Variants in PTPRG observed in about 807,000 individuals in gnomAD.
PTPRG encodes the protein protein tyrosine phosphatase receptor type G.
PTPRG carries 102 observed loss-of-function variants against 165.3 expected under a neutral mutation model. That is an observed-to-expected ratio of 0.62 (90% CI 0.53 to 0.73). PTPRG has a LOEUF of 0.73. PTPRG is among the 30% of genes least tolerant of loss of function. The pLI is 0.00. For synonymous variants in PTPRG, 675 were observed against 669.5 expected (o/e 1.01, Z -0.13); for missense variants, 1,866 against 1,861.4 (o/e 1.00, Z -0.05).
rs1703045179 is a variant in PTPRG at position 62,295,899 on chromosome 3, C to CT, written c.*2595dup. The CT allele has an allele frequency of 6.6e-6, 1 of 152,064 alleles. No individual in the cohort carries two copies. The highest frequency in any genetic ancestry group is 1.5e-5 in the Non-Finnish European group (1 of 67,986). The allele number at this position is 152,064 out of a possible 1,614,324, so 9.4% of individuals were successfully genotyped here. A position where few individuals can be genotyped will look rare whatever the true frequency, so the allele number is the denominator to read the frequency against. ...GGCAGAGTTTCAAAGACAGGGTTTT[C>CT]TTTGAGACATAAGCACATTGCTTAA... On this transcript the variant is annotated 3_prime_UTR_variant, in exon 30 of 30. Transcript: ENST00000474889.
chr3:62,184,869 C>T (rs907969503), intron 8 of PTPRG, among the ~76,000 whole-genome samples: 1 of 152,120 alleles, frequency 6.6e-6, no homozygotes, highest in Non-Finnish European at 1.5e-5. Context: ...TGGCCAGTTG[C>T]GTCGGGTGTG....
intron 5 of PTPRG, among the ~76,000 whole-genome samples, chr3:62,103,744 A>T (rs1702373947): frequency 6.6e-6 from 1 of 152,242 alleles, no homozygotes; most frequent in African/African-American, 2.4e-5. Flanking sequence ...CTAGGCACAC[A>T]GGCTGGGGCA....
intron 1 of PTPRG, among the ~76,000 whole-genome samples, chr3:61,627,938 C>G (rs974082730): frequency 2.0e-5 from 3 of 152,200 alleles, no homozygotes; most frequent in Admixed American, 2.0e-4. Context: ...ATCTTTCTGC[C>G]CTTTGGTCAA....
chr3:61,781,942 G>C lies in PTPRG; in HGVS notation c.190+32960G>C, dbSNP rs1270389453. Among the ~76,000 whole-genome samples, 7 of 148,538 alleles carry C rather than the reference G, an allele frequency of 4.7e-5. No homozygotes were observed. The East Asian group carries it at 1.4e-3, about 29-fold the overall frequency. Reference sequence around the variant, plus strand: ...GATGGGATACTACTATGTTTCCCAGGGTGGTCTTGAACTCCTGGGCTCAAG... The same window carrying C: ...GATGGGATACTACTATGTTTCCCAGCGTGGTCTTGAACTCCTGGGCTCAAG... On this transcript the variant is annotated intron_variant, in intron 2 of 29. Coordinates refer to ENST00000474889, the MANE Select transcript of PTPRG (RefSeq NM_002841.4).
intron 15 of PTPRG, among the ~76,000 whole-genome samples, chr3:62,250,311 C>T (rs1160209685): frequency 6.6e-6 from 1 of 152,132 alleles, no homozygotes; most frequent in East Asian, 1.9e-4. Context: ...CTCTGGCTTC[C>T]TGATACACAG....
rs373444676 is a variant in PTPRG, at chr3:62,282,753, C to T, written c.3939C>T (p.His1313=). ...TQDDYVLEVR[H]FQCPKWPNPD... Reference sequence around the variant, plus strand: ...ATGACTATGTCTTAGAAGTTCGGCACTTTCAGTGTCCCAAATGGCCTAACC... The same window carrying T: ...ATGACTATGTCTTAGAAGTTCGGCATTTTCAGTGTCCCAAATGGCCTAACC... The change falls in exon 28 of 30, where the codon CAC becomes CAT. Residue 1313 remains histidine, a synonymous_variant. Coordinates refer to ENST00000474889, the MANE Select transcript of PTPRG (RefSeq NM_002841.4). 4 of 1,611,926 alleles carry T rather than the reference C, an allele frequency of 2.5e-6. No homozygotes were observed. Among genetic ancestry groups the T allele is most frequent in the Non-Finnish European group, 3.4e-6 (4 of 1,179,094 alleles).
rs561356758 is a variant in PTPRG at position 61,706,275 on chromosome 3, C to T, written c.86-42603C>T. Among the ~76,000 whole-genome samples the T allele has an allele frequency of 2.6e-5, 4 of 152,096 alleles. No individual in the cohort carries two copies. In the South Asian group the frequency reaches 8.3e-4, roughly 32 times the overall value. On this transcript the variant is annotated intron_variant, in intron 1 of 29. Coordinates refer to ENST00000474889, the MANE Select transcript of PTPRG (RefSeq NM_002841.4). Reference sequence around the variant, plus strand: ...GGAGCCGTCCCATTGAGTAAGTGCCCAATGTGAGCTGCATCTGCAACTTAA... The same window carrying T: ...GGAGCCGTCCCATTGAGTAAGTGCCTAATGTGAGCTGCATCTGCAACTTAA...
At chr3:61,767,428 A>G (rs909807795) in intron 2 of PTPRG, among the ~76,000 whole-genome samples, 1 of 152,266 alleles carries the variant, frequency 6.6e-6, no homozygotes, top group African/African-American at 2.4e-5. Flanking sequence ...AAATGCATAC[A>G]TGCTCATTTA....
At chr3:61,852,560 G>A (rs1278867549) in intron 2 of PTPRG, among the ~76,000 whole-genome samples, 1 of 152,168 alleles carries the variant, frequency 6.6e-6, no homozygotes, top group African/African-American at 2.4e-5. Flanking sequence ...ATTGGGATGA[G>A]GTCTTACTGA....
At chr3:62,149,910 G>C (rs1451308002) in intron 6 of PTPRG, among the ~76,000 whole-genome samples, 2 of 152,084 alleles carry the variant, frequency 1.3e-5, no homozygotes, top group East Asian at 1.9e-4. Context: ...TTTTCCTTCT[G>C]TTTTCCCTCC....
intron 2 of PTPRG, among the ~76,000 whole-genome samples, chr3:61,763,437 G>A (rs545178332): frequency 6.6e-6 from 1 of 151,438 alleles, no homozygotes. Context: ...GGGTTTCACT[G>A]TCTGCCACTA....
At chr3:61,626,853 C>G (rs957743958) in intron 1 of PTPRG, among the ~76,000 whole-genome samples, 1 of 152,144 alleles carries the variant, frequency 6.6e-6, no homozygotes, top group South Asian at 2.1e-4. Flanking sequence ...AATAGTAACT[C>G]AAATCAAGAT....
At chr3:62,199,925 AG>A (rs1700058644) in intron 10 of PTPRG, among the ~76,000 whole-genome samples, 1 of 152,220 alleles carries the variant, frequency 6.6e-6, no homozygotes, top group South Asian at 2.1e-4. Flanking sequence ...ACCCTCAAAA[AG>A]GAAGGGAATT....
intron 16 of PTPRG, 154 bp from the exon 17 acceptor site, chr3:62,262,644 G>A (rs373994926): frequency 1.9e-4 from 97 of 498,038 alleles, no homozygotes; most frequent in African/African-American, 1.4e-3. Flanking sequence ...TCATAAACTC[G>A]TTATAAATAT....
chr3:61,960,854 A>G (rs979979855), intron 2 of PTPRG, among the ~76,000 whole-genome samples: 5 of 152,136 alleles, frequency 3.3e-5, no homozygotes, highest in African/African-American at 1.2e-4. Flanking sequence ...ATTTCCTAAA[A>G]TTAAGGCAAT....
rs188145063 is a variant in PTPRG at position 62,061,073 on chromosome 3, A to G, written c.520-17090A>G. 5.2e-3 allele frequency among the ~76,000 whole-genome samples: 790 copies of G among 152,302 alleles called. 10 individuals are homozygous for G. The highest frequency in any genetic ancestry group is 4.8e-3 in the Non-Finnish European group (324 of 68,012). ...CTTGAACTCCCTGAATCTCCCTTGT[A>G]ACATTTGTGACACTGGTCAAATCCC... is the stretch of plus-strand genomic sequence containing the variant. On this transcript the variant is annotated intron_variant, in intron 4 of 29. Transcript: ENST00000474889.
intron 5 of PTPRG, among the ~76,000 whole-genome samples, chr3:62,096,035 TG>T: frequency 6.6e-6 from 1 of 151,970 alleles, no homozygotes; most frequent in Admixed American, 6.6e-5. Context: ...GGGACTAACT[TG>T]GTTGGCATTT....
chr3:62,164,479 C>T (rs779031250), intron 7 of PTPRG, among the ~76,000 whole-genome samples: 94 of 152,118 alleles, frequency 6.2e-4, no homozygotes, highest in Non-Finnish European at 1.2e-3. Context: ...TGCCGCCAAC[C>T]CACAGAAGGA....
chr3:61,710,370 G>A (rs2031491056), intron 1 of PTPRG, among the ~76,000 whole-genome samples: 1 of 151,968 alleles, frequency 6.6e-6, no homozygotes, highest in Admixed American at 6.6e-5. Flanking sequence ...TTTCCATGTC[G>A]AATCCCATGT....
Sources: allele counts gnomAD v4.1 joint callset (sites outside exome capture counted in the v4.1 genomes callset), GRCh38; gene constraint gnomAD v4.1.1; transcripts MANE v1.5; gene names NCBI Gene and HGNC (gene_info 2026-07-23, HGNC 2026-07-21).